Variants in CENPF observed in about 807,000 individuals in gnomAD.
CENPF encodes the protein centromere protein F.
CENPF carries 214 observed loss-of-function variants against 307.3 expected under a neutral mutation model. That is an observed-to-expected ratio of 0.70 (90% CI 0.62 to 0.78). The LOEUF (loss-of-function observed/expected upper bound fraction) is 0.78. CENPF is among the 30% of genes least tolerant of loss of function. The pLI, the probability that CENPF is intolerant of heterozygous loss-of-function variation, is 0.00. For missense variants in CENPF, 3,401 were observed against 3,483.9 expected, an observed-to-expected ratio of 0.98 and a Z score of 0.60; for synonymous variants, 1,259 against 1,270.6, an observed-to-expected ratio of 0.99 and a Z score of 0.19.
intron 3 of CENPF, among the ~76,000 whole-genome samples, chr1:214,617,138 G>A (rs1162317984): frequency 6.6e-6 from 1 of 151,200 alleles, no homozygotes; most frequent in Non-Finnish European, 1.5e-5. Flanking sequence ...TGCAACCTCC[G>A]CCTCCTGGGT....
chr1:214,617,921 C>A, intron 3 of CENPF, among the ~76,000 whole-genome samples: 1 of 152,170 alleles, frequency 6.6e-6, no homozygotes, highest in Non-Finnish European at 1.5e-5. Flanking sequence ...TGTTCTCAAA[C>A]TGCTATAAAG....
At chr1:214,655,519 A>AT (rs1658608548) in intron 17 of CENPF, 116 bp downstream of exon 17, 1 of 809,974 alleles carries the variant, frequency 1.2e-6, no homozygotes, top group Non-Finnish European at 1.8e-6. Context: ...CTGAGTGCTG[A>AT]TTTTTTACCA....
intron 2 of CENPF, 138 bp downstream of exon 2, chr1:214,614,054 C>G (rs1331286812): frequency 1.5e-5 from 12 of 813,672 alleles, no homozygotes; most frequent in Non-Finnish European, 2.1e-5. Context: ...TTGCTGTCTT[C>G]AGGTGGTAAT....
rs1316325547 is a variant in CENPF at position 214,637,857 on chromosome 1, G to A, written c.1447-9G>A. 1.9e-6 allele frequency: 3 copies of A among 1,599,504 alleles called. No individual in the cohort carries two copies. Among genetic ancestry groups the A allele is most frequent in the East Asian group, 2.2e-5 (1 of 44,590 alleles). On this transcript the variant is annotated splice_polypyrimidine_tract_variant and intron_variant, in intron 10 of 19. Transcript: ENST00000366955. ...TTTTGGCTATAACCAATTAAAATGT[G>A]TGTTTTAGGAAATGAAGAAGGAAAA... is the stretch of plus-strand genomic sequence containing the variant.
chr1:214,631,094 C>T (rs1329552038), intron 9 of CENPF, among the ~76,000 whole-genome samples: 1 of 152,192 alleles, frequency 6.6e-6, no homozygotes, highest in Non-Finnish European at 1.5e-5. Context: ...TTCTAGACTT[C>T]AGGTGTGTGG....
rs564676811 is a variant in CENPF at position 214,661,018 on chromosome 1, G to A, written c.9141+1990G>A. On this transcript the variant is annotated intron_variant, in intron 19 of 19. Transcript: ENST00000366955. ...TCACAAGTCATTTTTTTTCTGTTGCGAAGAACTGATGGTAAAAGCAGTTTG... is the reference window on the plus strand; with the variant it reads ...TCACAAGTCATTTTTTTTCTGTTGCAAAGAACTGATGGTAAAAGCAGTTTG... 3.3e-5 allele frequency among the ~76,000 whole-genome samples: 5 copies of A among 152,122 alleles called. No homozygotes were observed. The South Asian group carries it at 6.2e-4, about 19-fold the overall frequency.
chr1:214,614,883 T>C lies in CENPF; in HGVS notation c.214T>C (p.Leu72=). 1 of 1,607,536 alleles carries C rather than the reference T, an allele frequency of 6.2e-7. No homozygotes were observed. Among genetic ancestry groups the C allele is most frequent in the Non-Finnish European group, 8.5e-7 (1 of 1,177,664 alleles). The stretch of plus-strand genomic sequence containing the variant: ...AAACCTGAAAAGGGAGAATCAAAGA[T>C]TGATGGAAATATGTGAAAGTCTGGA... The part of the protein sequence containing the change: ...GTNLKRENQR[L]MEICESLEKT... Residue 72 remains leucine, a synonymous_variant, in exon 3 of 20, where the codon TTG becomes CTG. Transcript: ENST00000366955.
Position 214,646,827 on chromosome 1 carries a change from A to G in CENPF, c.7257A>G (p.Glu2419=). ...TAGAAATAATAAATTCATCATTTGAAAATATTTTGCAAGAAAAAGAGCAAG... is the reference window on the plus strand; with the variant it reads ...TAGAAATAATAAATTCATCATTTGAGAATATTTTGCAAGAAAAAGAGCAAG... ...SELEIINSSF[E]NILQEKEQEK... is the part of the protein sequence containing the mutation. The change falls in exon 13 of 20, where the codon GAA becomes GAG. Residue 2419 remains glutamate (E), a synonymous_variant. Transcript: ENST00000366955. 2 of 1,610,712 alleles carry G rather than the reference A, an allele frequency of 1.2e-6. No individual in the cohort carries two copies. The highest frequency in any genetic ancestry group is 1.7e-6 in the Non-Finnish European group (2 of 1,179,006).
Position 214,641,096 on chromosome 1 carries a change from G to T in CENPF, c.2758G>T (p.Val920Leu), listed in dbSNP as rs1276220238. 6.3e-7 allele frequency: 1 copy of T among 1,576,584 alleles called. No individual in the cohort carries two copies. Among genetic ancestry groups the T allele is most frequent in the South Asian group, 1.2e-5 (1 of 83,518 alleles). ...EKELQLLNDK[V>L]ETEQAEIQEL... is the part of the protein sequence containing the mutation. Reference sequence around the variant, plus strand: ...AGAGCTGCAACTTTTAAATGATAAGGTAGAAACTGAGCAGGCAGAGATTCA... The same window carrying T: ...AGAGCTGCAACTTTTAAATGATAAGTTAGAAACTGAGCAGGCAGAGATTCA... The change falls in exon 12 of 20, where the codon GTA (valine) becomes TTA (leucine). Residue 920 changes from valine (V) to leucine (L), a missense_variant. Physicochemically the swap from Val to Leu is conservative, Grantham distance 32. Transcript: ENST00000366955.
chr1:214,611,629 G>A (rs374127224), intron 1 of CENPF, among the ~76,000 whole-genome samples: 5 of 152,290 alleles, frequency 3.3e-5, no homozygotes, highest in African/African-American at 1.2e-4. Context: ...GCCTCCCAAA[G>A]TGCTGGGATT....
chr1:214,608,844 G>A (rs1364912709), intron 1 of CENPF: 29 of 1,570,838 alleles, frequency 1.8e-5, no homozygotes, highest in African/African-American at 1.8e-4. Context: ...CGTTCATGGC[G>A]GGCGCCGCCC....
Position 214,655,122 on chromosome 1 carries a change from G to A in CENPF, c.8323-119G>A, listed in dbSNP as rs142992887. The A allele has an allele frequency of 8.4e-4, 520 of 620,062 alleles. 6 individuals are homozygous for A. In the East Asian group the frequency reaches 0.016, roughly 19 times the overall value. 38.4% of individuals were successfully genotyped at this position (620,062 alleles called of 1,614,324 possible). A position where few individuals can be genotyped will look rare whatever the true frequency, so the allele number is the denominator to read the frequency against. On this transcript the variant is annotated intron_variant, in intron 16 of 19. Transcript: ENST00000366955. ...GGTTTTGTGCATCTTTAGATGTTTT[G>A]TATTGAATCTAATAATTCTTAAATT...
At chr1:214,606,692 C>T (rs1037120523) in intron 1 of CENPF, among the ~76,000 whole-genome samples, 4 of 152,260 alleles carry the variant, frequency 2.6e-5, no homozygotes, top group Middle Eastern at 6.8e-3. Flanking sequence ...CCCACCAGCA[C>T]CTTCCCTTGG....
rs1348712394 is a variant in CENPF, at chr1:214,622,059, A to G, written c.866-20A>G. The G allele has an allele frequency of 6.3e-7, 1 of 1,595,328 alleles. No homozygotes were observed. The highest frequency in any genetic ancestry group is 1.7e-5 in the Admixed American group (1 of 58,372). ...AAAGATATATATGAATTGGAGTGTG[A>G]TTTTTGTTTGTGGTTCAAGAGCTAA... On this transcript the variant is annotated intron_variant, in intron 6 of 19. Transcript: ENST00000366955.
At chr1:214,610,477 G>A (rs1657167877) in intron 1 of CENPF, among the ~76,000 whole-genome samples, 2 of 144,130 alleles carry the variant, frequency 1.4e-5, no homozygotes, top group African/African-American at 5.2e-5. Flanking sequence ...TTAGCCACAT[G>A]TATTTTTTTT....
Position 214,643,250 on chromosome 1 carries a change from C to T in CENPF, c.4912C>T (p.Leu1638=). 1 of 1,582,960 alleles carries T rather than the reference C, an allele frequency of 6.3e-7. No homozygotes were observed. ...ACAGACGGAACAACTGTCACTTGAG[C>T]TGGAAGTAGCACGACTCCAGCTACA... ...KKQTEQLSLE[L]EVARLQLQGL... The change falls in exon 12 of 20, where the codon CTG becomes TTG. Residue 1638 remains leucine, a synonymous_variant. Coordinates refer to ENST00000366955, the MANE Select transcript of CENPF (RefSeq NM_016343.4).
At chr1:214,658,240 G>A (rs1658696190) in intron 18 of CENPF, among the ~76,000 whole-genome samples, 1 of 152,148 alleles carries the variant, frequency 6.6e-6, no homozygotes, top group Admixed American at 6.5e-5. Flanking sequence ...GTTCTGGAGT[G>A]TGTGTTGATA....
At chr1:214,657,944 A>C (rs448617) in intron 18 of CENPF, among the ~76,000 whole-genome samples, 1 of 152,024 alleles carries the variant, frequency 6.6e-6, no homozygotes, top group Non-Finnish European at 1.5e-5. Context: ...AGAAATTTTC[A>C]TAGCAACTTG....
intron 7 of CENPF, among the ~76,000 whole-genome samples, chr1:214,625,927 G>T (rs997903712): frequency 6.6e-6 from 1 of 151,930 alleles, no homozygotes; most frequent in Non-Finnish European, 1.5e-5. Context: ...ACTACATTTT[G>T]CTTCAACTCT....
Sources: allele counts gnomAD v4.1 joint callset (sites outside exome capture counted in the v4.1 genomes callset), GRCh38; gene constraint gnomAD v4.1.1; transcripts MANE v1.5; gene names NCBI Gene and HGNC (gene_info 2026-07-23, HGNC 2026-07-21).